The following ADRA1B variants were observed in gnomAD, a reference collection of about 807,000 sequenced individuals.
ADRA1B encodes the protein adrenoceptor alpha 1B.
In ADRA1B, 17 loss-of-function variants were observed where a neutral mutation model predicts 17.9. That is an observed-to-expected ratio of 0.95 (90% CI 0.65 to 1.42). The LOEUF (loss-of-function observed/expected upper bound fraction) is 1.42. Among genes scored for constraint, ADRA1B ranks in the 40% most tolerant of loss-of-function variants. The pLI, the probability that ADRA1B is intolerant of heterozygous loss-of-function variation, is 0.00. For synonymous variants in ADRA1B, 366 were observed against 327.6 expected, an observed-to-expected ratio of 1.12 and a Z score of -1.27; for missense variants, 681 against 722.1, an observed-to-expected ratio of 0.94 and a Z score of 0.65.
At chr5:159,932,188 C>CT (rs1408120741) in intron 1 of ADRA1B, among the ~76,000 whole-genome samples, 1 of 152,018 alleles carries the variant, frequency 6.6e-6, no homozygotes, top group Non-Finnish European at 1.5e-5. Context: ...GAGTATCACT[C>CT]TGTCACCCAG....
chr5:159,881,307 C>CTCTG (rs1753860429), intron 1 of ADRA1B, among the ~76,000 whole-genome samples: 1 of 29,760 alleles, frequency 3.4e-5, no homozygotes, highest in Non-Finnish European at 6.7e-5. Context: ...AGTTCTCTCT[C>CTCTG]TCTCTCTCTC....
chr5:159,971,853 C>CGGGGGGGGGGGGGGCGGGGG, intron 1 of ADRA1B, 26 bp from the exon 2 acceptor site: 1 of 1,305,876 alleles, frequency 7.7e-7, no homozygotes, highest in Non-Finnish European at 9.8e-7. Flanking sequence ...TCTTTCTGCC[C>CGGGGGGGGGGGGGGCGGGGG]GTGCCCACCC....
chr5:159,956,187 G>A (rs183923485), intron 1 of ADRA1B, among the ~76,000 whole-genome samples: 1 of 152,188 alleles, frequency 6.6e-6, no homozygotes. Context: ...GCTGCAGCAA[G>A]CTATGATCAC....
chr5:159,952,878 A>G (rs1444485662), intron 1 of ADRA1B, among the ~76,000 whole-genome samples: 4 of 152,208 alleles, frequency 2.6e-5, no homozygotes, highest in African/African-American at 9.6e-5. Context: ...CTCTGTAATC[A>G]GGACACTGCG....
chr5:159,959,570 G>A (rs1399581164), intron 1 of ADRA1B, among the ~76,000 whole-genome samples: 1 of 152,188 alleles, frequency 6.6e-6, no homozygotes, highest in Non-Finnish European at 1.5e-5. Context: ...TCTGGGGACT[G>A]TGTACTTCCT....
rs149628499 is a variant in ADRA1B at position 159,917,790 on chromosome 5, G to T, written c.885G>T (p.Thr295=). ...KFSREKKAAK[T]LGIVVGMFIL... The stretch of plus-strand genomic sequence containing the variant: ...CCAGGGAAAAGAAAGCAGCTAAGAC[G>T]TTGGGCATTGTGGTCGGTATGTTCA... The change falls in exon 1 of 2, where the codon ACG becomes ACT. Residue 295 remains threonine (T), a synonymous_variant. Transcript: ENST00000306675. The T allele has an allele frequency of 5.5e-5, 88 of 1,613,692 alleles. No homozygotes were observed. In the African/African-American group the frequency reaches 6.0e-4, roughly 11 times the overall value.
At chr5:159,894,460 C>G (rs1422817257) in intron 1 of ADRA1B, among the ~76,000 whole-genome samples, 1 of 48,616 alleles carries the variant, frequency 2.1e-5, no homozygotes, top group African/African-American at 1.7e-4. Flanking sequence ...AGTTCTGTCT[C>G]CACACATGTA....
At chr5:159,923,879 G>T (rs1302852243) in intron 1 of ADRA1B, among the ~76,000 whole-genome samples, 1 of 152,240 alleles carries the variant, frequency 6.6e-6, no homozygotes, top group Non-Finnish European at 1.5e-5. Flanking sequence ...TCCTCCCCAT[G>T]CCTAGAAACC....
intron 1 of ADRA1B, among the ~76,000 whole-genome samples, chr5:159,942,089 A>AT (rs1239554385): frequency 1.3e-5 from 2 of 151,754 alleles, no homozygotes; most frequent in South Asian, 2.1e-4. Flanking sequence ...CGCCCAGCTA[A>AT]TTTTTTGTAT....
At chr5:159,869,738 C>G (rs1262631055) in intron 1 of ADRA1B, 1 of 152,138 alleles carries the variant, frequency 6.6e-6, no homozygotes, top group South Asian at 2.1e-4. Flanking sequence ...TACCTTGAAC[C>G]AGTTAGTGTC....
At chr5:159,887,557 A>G (rs913187269) in intron 1 of ADRA1B, among the ~76,000 whole-genome samples, 3 of 152,206 alleles carry the variant, frequency 2.0e-5, no homozygotes, top group Non-Finnish European at 2.9e-5. Flanking sequence ...TTTGAGGAAG[A>G]TAAGCACCCA....
chr5:159,962,139 A>C (rs982625027), intron 1 of ADRA1B, among the ~76,000 whole-genome samples: 5 of 152,290 alleles, frequency 3.3e-5, no homozygotes, highest in Admixed American at 2.6e-4. Flanking sequence ...TAGAAGTTGC[A>C]GTGAGCCGAG....
chr5:159,983,441 G>A, the ADRA1B span, among the ~76,000 whole-genome samples: 1 of 152,186 alleles, frequency 6.6e-6, no homozygotes, highest in African/African-American at 2.4e-5. Flanking sequence ...TGGCACCACG[G>A]TCTCTCACTC....
chr5:159,984,990 A>C, the ADRA1B span, among the ~76,000 whole-genome samples: 1 of 151,526 alleles, frequency 6.6e-6, no homozygotes, highest in African/African-American at 2.4e-5. Context: ...TAAAATCCAC[A>C]CTTTGCAATG....
At chr5:159,894,819 T>C (rs1364448453) in intron 1 of ADRA1B, among the ~76,000 whole-genome samples, 3 of 152,126 alleles carry the variant, frequency 2.0e-5, no homozygotes, top group African/African-American at 7.2e-5. Flanking sequence ...GTCACTGTCA[T>C]TTTACAGACA....
chr5:159,919,769 G>T (rs1194689441), intron 1 of ADRA1B, among the ~76,000 whole-genome samples: 1 of 152,242 alleles, frequency 6.6e-6, no homozygotes, highest in Admixed American at 6.5e-5. Context: ...GAAGGCCTCA[G>T]CAGGATGCAG....
chr5:159,977,164 A>G (rs1755984845), downstream of ADRA1B, among the ~76,000 whole-genome samples: 1 of 152,206 alleles, frequency 6.6e-6, no homozygotes, highest in Non-Finnish European at 1.5e-5. Flanking sequence ...GACTTCACCT[A>G]TTATTCCCAC....
downstream of ADRA1B, among the ~76,000 whole-genome samples, chr5:159,974,513 G>A (rs1417841908): frequency 6.6e-6 from 1 of 151,916 alleles, no homozygotes; most frequent in African/African-American, 2.4e-5. Flanking sequence ...GTGGGCACCT[G>A]TAATCCCAGC....
chr5:159,950,366 CTGTA>C (rs2113258471), intron 1 of ADRA1B: 1 of 595,454 alleles, frequency 1.7e-6, no homozygotes, highest in East Asian at 2.8e-5. Context: ...TTCAGGGGGT[CTGTA>C]TGGAAACTGT....
Sources: gnomAD v4.1 joint callset for allele counts (sites outside exome capture counted in the v4.1 genomes callset) on GRCh38, gnomAD v4.1.1 for gene constraint, MANE v1.5 for transcripts, NCBI Gene and HGNC (gene_info 2026-07-23, HGNC 2026-07-21) for gene names.